The following PRORP variants were observed in gnomAD, a reference collection of about 807,000 sequenced individuals.
The protein encoded by PRORP is protein only RNase P catalytic subunit, also known as mitochondrial ribonuclease P catalytic subunit.
Under a neutral mutation model 59.4 loss-of-function variants are expected in PRORP, and 51 were observed. That is an observed-to-expected ratio of 0.86 (90% CI 0.69 to 1.08). PRORP has a LOEUF of 1.08. Ranked by LOEUF, PRORP falls within the 50% of genes least tolerant of loss-of-function variation. The pLI, the probability that PRORP is intolerant of heterozygous loss-of-function variation, is 0.00. For missense variants in PRORP, 646 were observed against 690.3 expected (o/e 0.94, Z 0.72); for synonymous variants, 231 against 245.6 (o/e 0.94, Z 0.55).
At chr14:35,225,409 C>T (rs577348757) in intron 5 of PRORP, among the ~76,000 whole-genome samples, 26 of 151,772 alleles carry the variant, frequency 1.7e-4, no homozygotes, top group Non-Finnish European at 3.1e-4. Context: ...TGCAGTGGTG[C>T]GATCTCGGCT....
intron 5 of PRORP, among the ~76,000 whole-genome samples, chr14:35,207,281 G>A (rs894209172): frequency 2.6e-5 from 4 of 152,182 alleles, no homozygotes; most frequent in African/African-American, 9.7e-5. Context: ...GTTCTTGAAT[G>A]TAAAATAAAA....
intron 4 of PRORP, among the ~76,000 whole-genome samples, chr14:35,153,152 C>G (rs1006874932): frequency 2.0e-5 from 3 of 152,360 alleles, no homozygotes; most frequent in Non-Finnish European, 4.4e-5. Context: ...CCTCGGGAGG[C>G]CGAGGCTGGC....
intron 5 of PRORP, among the ~76,000 whole-genome samples, chr14:35,261,069 T>A (rs2050891844): frequency 6.6e-6 from 1 of 152,192 alleles, no homozygotes; most frequent in Non-Finnish European, 1.5e-5. Flanking sequence ...GTTTTCTGAG[T>A]AAGACTGCCT....
chr14:35,221,651 C>G (rs1404915075), intron 5 of PRORP, among the ~76,000 whole-genome samples: 1 of 152,176 alleles, frequency 6.6e-6, no homozygotes, highest in Non-Finnish European at 1.5e-5. Flanking sequence ...GGCTTTGACT[C>G]TGGAGCATAA....
intron 4 of PRORP, chr14:35,157,915 T>C (rs2047957886): frequency 5.6e-6 from 1 of 178,078 alleles, no homozygotes; most frequent in Admixed American, 6.3e-5. Context: ...AAGATCTCTT[T>C]ATTCTTTTTC....
At chr14:35,213,453 G>GA (rs942936194) in intron 5 of PRORP, among the ~76,000 whole-genome samples, 1 of 151,874 alleles carries the variant, frequency 6.6e-6, no homozygotes, top group African/African-American at 2.4e-5. Flanking sequence ...AAAAATAAAG[G>GA]AAAAAAACCT....
intron 4 of PRORP, among the ~76,000 whole-genome samples, chr14:35,137,362 G>A (rs1260397541): frequency 1.4e-5 from 2 of 145,388 alleles, no homozygotes; most frequent in Admixed American, 1.4e-4. Context: ...GAGCACAAAT[G>A]TGGAGGTTGG....
At chr14:35,230,225 G>A (rs1162035121) in intron 5 of PRORP, among the ~76,000 whole-genome samples, 1 of 151,812 alleles carries the variant, frequency 6.6e-6, no homozygotes, top group Non-Finnish European at 1.5e-5. Flanking sequence ...GCTCATTTTT[G>A]TATTTTTAGT....
rs1161295034 is a variant in PRORP, at chr14:35,145,835, T to TTTATTTATTTATTTATTTA, written c.1167+18226_1167+18227insATTTATTTATTTATTTATT. The stretch of plus-strand genomic sequence containing the variant: ...TATTTATTTATTTATTTATTTATTT[T>TTTATTTATTTATTTATTTA]TTTATTTTTTGAGACAGAGTTTTGT... On this transcript the variant is annotated intron_variant, in intron 4 of 7. Transcript: ENST00000534898. Among the ~76,000 whole-genome samples, 221 of 133,236 alleles carry TTTATTTATTTATTTATTTA rather than the reference T, an allele frequency of 1.7e-3. 13 individuals are homozygous for TTTATTTATTTATTTATTTA. Among genetic ancestry groups the TTTATTTATTTATTTATTTA allele is most frequent in the African/African-American group, 3.9e-3 (149 of 38,248 alleles). The allele number at this position is 133,236 out of a possible 152,430, so 87.4% of individuals were successfully genotyped here.
intron 5 of PRORP, among the ~76,000 whole-genome samples, chr14:35,242,119 T>G (rs1281133854): frequency 6.6e-6 from 1 of 152,218 alleles, no homozygotes; most frequent in Non-Finnish European, 1.5e-5. Flanking sequence ...CTTAGTGATT[T>G]ATTTATGTCT....
chr14:35,260,542 G>A (rs1594352212), intron 5 of PRORP, among the ~76,000 whole-genome samples: 1 of 152,336 alleles, frequency 6.6e-6, no homozygotes, highest in South Asian at 2.1e-4. Flanking sequence ...AAAGTCATGA[G>A]ACATCTGAGC....
rs546588470 is a variant in PRORP at position 35,177,590 on chromosome 14, T to C, written c.1168-3080T>C. Reference sequence around the variant, plus strand: ...TATTTCTGTGGGATCGGTGGTGATATCCCCTTTATCATTTTTTATTGTGTC... The same window carrying C: ...TATTTCTGTGGGATCGGTGGTGATACCCCCTTTATCATTTTTTATTGTGTC... On this transcript the variant is annotated intron_variant, in intron 4 of 7. Coordinates refer to ENST00000534898, the MANE Select transcript of PRORP (RefSeq NM_014672.4). Among the ~76,000 whole-genome samples the C allele has an allele frequency of 3.9e-5, 6 of 152,300 alleles. No individual in the cohort carries two copies. The South Asian group carries it at 1.2e-3, about 32-fold the overall frequency.
At chr14:35,139,419 C>T (rs1215266850) in intron 4 of PRORP, among the ~76,000 whole-genome samples, 1 of 145,278 alleles carries the variant, frequency 6.9e-6, no homozygotes, top group Non-Finnish European at 1.5e-5. Context: ...CCAAAAGTTT[C>T]CTCATGCCAT....
rs1417974812 is a variant in PRORP, at chr14:35,123,895, TC to T, written c.652del (p.Arg218GlyfsTer3). ...GAACCTAGAGGTTACAGTCTTCTCA[TC>T]CGGGGATTGATCCATTCAGACAGAT... ...TLEPRGYSLLIRGLIHSDRWR... is the reference protein window; with the variant it reads ...TLEPRGYSLLXRGLIHSDRWR... On this transcript the variant is annotated frameshift_variant, in exon 2 of 8. Coordinates refer to ENST00000534898, the MANE Select transcript of PRORP (RefSeq NM_014672.4). LOFTEE classifies it high-confidence loss of function. 1 of 1,614,074 alleles carries T rather than the reference TC, an allele frequency of 6.2e-7. No individual in the cohort carries two copies. Among genetic ancestry groups the T allele is most frequent in the African/African-American group, 1.3e-5 (1 of 74,934 alleles).
At position 35,239,525 on chromosome 14, in the gene PRORP, G is replaced by A. The variant is rs571032722; in HGVS notation, c.1276-27202G>A. Among the ~76,000 whole-genome samples the A allele has an allele frequency of 2.7e-5, 4 of 150,282 alleles. No individual in the cohort carries two copies. The South Asian group carries it at 6.2e-4, about 23-fold the overall frequency. On this transcript the variant is annotated intron_variant, in intron 5 of 7. Transcript: ENST00000534898. ...TTAAGAGTTTATTAGATCAGGCAAC[G>A]AGCTGGTGAAGAACAAGAACAGACT...
intron 4 of PRORP, among the ~76,000 whole-genome samples, chr14:35,168,969 C>T (rs1566472089): frequency 6.6e-6 from 1 of 151,152 alleles, no homozygotes; most frequent in Non-Finnish European, 1.5e-5. Flanking sequence ...GCCTTATTAG[C>T]TTTTCCTATT....
chr14:35,233,063 C>CT (rs1277848738), intron 5 of PRORP, among the ~76,000 whole-genome samples: 16 of 152,112 alleles, frequency 1.1e-4, no homozygotes, highest in South Asian at 6.2e-4. Context: ...TTTAAGAAAT[C>CT]CATCTCTCTT....
intron 4 of PRORP, among the ~76,000 whole-genome samples, chr14:35,129,781 G>A (rs1244056712): frequency 6.6e-6 from 1 of 151,840 alleles, no homozygotes; most frequent in African/African-American, 2.4e-5. Flanking sequence ...GCCCAGCCTT[G>A]TATGTTTTTT....
intron 5 of PRORP, among the ~76,000 whole-genome samples, chr14:35,227,003 T>A (rs2049952099): frequency 6.6e-6 from 1 of 151,982 alleles, no homozygotes; most frequent in South Asian, 2.1e-4. Flanking sequence ...CCCAAAGTTC[T>A]GGGATACAGG....
Sources: allele counts gnomAD v4.1 joint callset (sites outside exome capture counted in the v4.1 genomes callset), GRCh38; gene constraint gnomAD v4.1.1; transcripts MANE v1.5; gene names NCBI Gene and HGNC (gene_info 2026-07-23, HGNC 2026-07-21).